The following TAFA1 variants were observed in gnomAD, a reference collection of about 807,000 sequenced individuals.
The protein encoded by TAFA1 is TAFA chemokine like family member 1, also known as chemokine-like protein TAFA-1.
Under a neutral mutation model 18.5 loss-of-function variants are expected in TAFA1, and 4 were observed. The ratio of observed to expected loss-of-function variants is 0.22; its 90% CI spans 0.11 to 0.49. The LOEUF (loss-of-function observed/expected upper bound fraction) is 0.49. TAFA1 is among the 20% of genes least tolerant of loss of function. The pLI is 0.98. For synonymous variants in TAFA1, 56 were observed against 55.2 expected (o/e 1.01, Z -0.06); for missense variants, 147 against 169.0 (o/e 0.87, Z 0.72).
intron 2 of TAFA1, among the ~76,000 whole-genome samples, chr3:68,131,153 A>G (rs78765537): frequency 0.026 from 3,980 of 152,278 alleles, 171 homozygotes; most frequent in African/African-American, 0.09. Flanking sequence ...CCTGCACCAT[A>G]TATAACTAGT....
At chr3:68,480,973 T>C (rs1343500579) in intron 3 of TAFA1, among the ~76,000 whole-genome samples, 2 of 152,162 alleles carry the variant, frequency 1.3e-5, no homozygotes, top group African/African-American at 4.8e-5. Flanking sequence ...TCGTTCTCTC[T>C]TCCCTGCCGT....
rs368892216 is a variant in TAFA1, at chr3:68,136,711, AT to A, written c.118+129976del. ...ACAGACACCAGGGAAAGCGCAGAGG[AT>A]TTTTTTTTCCTTTTGCTTAATTTGC... On this transcript the variant is annotated intron_variant, in intron 2 of 4. Transcript: ENST00000478136. 8.6e-5 allele frequency among the ~76,000 whole-genome samples: 13 copies of A among 151,778 alleles called. No individual in the cohort carries two copies. The East Asian group carries it at 1.4e-3, about 16-fold the overall frequency.
chr3:68,045,378 G>T (rs754004186), intron 2 of TAFA1, among the ~76,000 whole-genome samples: 8 of 152,172 alleles, frequency 5.3e-5, no homozygotes, highest in Admixed American at 1.3e-4. Context: ...AACTACAAAG[G>T]TATCTGGCAA....
intron 3 of TAFA1, among the ~76,000 whole-genome samples, chr3:68,452,230 T>C (rs796349634): frequency 6.6e-5 from 10 of 152,222 alleles, no homozygotes; most frequent in African/African-American, 2.2e-4. Flanking sequence ...GTACTTTTAT[T>C]AGAACATGTC....
intron 2 of TAFA1, among the ~76,000 whole-genome samples, chr3:68,314,233 G>A (rs1221887805): frequency 6.6e-6 from 1 of 152,158 alleles, no homozygotes; most frequent in Non-Finnish European, 1.5e-5. Context: ...GTTGACCTGT[G>A]AATGCATAGG....
At chr3:68,370,495 T>C (rs1282370850) in intron 2 of TAFA1, among the ~76,000 whole-genome samples, 2 of 102,374 alleles carry the variant, frequency 2.0e-5, no homozygotes, top group Non-Finnish European at 3.9e-5. Flanking sequence ...TATATATATA[T>C]ATATATATAT....
chr3:68,267,147 A>C (rs993890806), intron 2 of TAFA1, among the ~76,000 whole-genome samples: 1 of 152,218 alleles, frequency 6.6e-6, no homozygotes, highest in African/African-American at 2.4e-5. Flanking sequence ...GGTCTATAGG[A>C]ACACACAGAT....
At chr3:68,371,541 G>C in intron 2 of TAFA1, among the ~76,000 whole-genome samples, 1 of 152,092 alleles carries the variant, frequency 6.6e-6, no homozygotes, top group Non-Finnish European at 1.5e-5. Context: ...CCATGTCTCT[G>C]CAAAGGACAT....
upstream of TAFA1, among the ~76,000 whole-genome samples, chr3:68,001,115 T>C (rs995091176): frequency 2.6e-5 from 4 of 152,198 alleles, no homozygotes; most frequent in Non-Finnish European, 5.9e-5. Context: ...TATAAAAATA[T>C]ACATGTATTG....
chr3:68,383,748 G>T lies in TAFA1; in HGVS notation c.119-33532G>T, dbSNP rs753890830. ...TCAATTTTTGAAATAGTTTCATCAG[G>T]AATGGTATCAGCTCTTCTTTTTATA... On this transcript the variant is annotated intron_variant, in intron 2 of 4. Transcript: ENST00000478136. Among the ~76,000 whole-genome samples, 5 of 152,066 alleles carry T rather than the reference G, an allele frequency of 3.3e-5. No individual in the cohort carries two copies. In the South Asian group the frequency reaches 8.3e-4, roughly 25 times the overall value.
At chr3:68,099,912 T>A (rs1417042357) in intron 2 of TAFA1, among the ~76,000 whole-genome samples, 2 of 151,830 alleles carry the variant, frequency 1.3e-5, no homozygotes, top group Non-Finnish European at 2.9e-5. Flanking sequence ...AAAGCAAATA[T>A]CACATATTTT....
chr3:68,131,537 A>G (rs2106882319), intron 2 of TAFA1, among the ~76,000 whole-genome samples: 1 of 152,314 alleles, frequency 6.6e-6, no homozygotes, highest in African/African-American at 2.4e-5. Flanking sequence ...TGTCCTTATT[A>G]GTGCTGCTCC....
intron 2 of TAFA1, among the ~76,000 whole-genome samples, chr3:68,369,173 T>C (rs1333124885): frequency 2.0e-5 from 3 of 150,822 alleles, no homozygotes; most frequent in Non-Finnish European, 2.9e-5. Flanking sequence ...TAGCACACAC[T>C]TATGTTGGTG....
chr3:68,260,558 G>C (rs1468812522), intron 2 of TAFA1, among the ~76,000 whole-genome samples: 3 of 152,030 alleles, frequency 2.0e-5, no homozygotes, highest in African/African-American at 7.2e-5. Context: ...CATGGTACTG[G>C]TACCAAAACA....
At chr3:68,084,897 T>G (rs968583150) in intron 2 of TAFA1, among the ~76,000 whole-genome samples, 11 of 152,282 alleles carry the variant, frequency 7.2e-5, no homozygotes, top group African/African-American at 2.6e-4. Flanking sequence ...ACTCTTTAGT[T>G]CTTTGTACTT....
At chr3:68,388,035 A>G (rs1241320230) in intron 2 of TAFA1, among the ~76,000 whole-genome samples, 1 of 152,208 alleles carries the variant, frequency 6.6e-6, no homozygotes, top group Non-Finnish European at 1.5e-5. Flanking sequence ...TAATTCCATA[A>G]TAGGCATATT....
chr3:68,528,070 C>T (rs2073132751), intron 3 of TAFA1, among the ~76,000 whole-genome samples: 1 of 152,126 alleles, frequency 6.6e-6, no homozygotes, highest in Admixed American at 6.5e-5. Context: ...GTATGCATTT[C>T]AGAATTAGTA....
chr3:68,214,581 G>T (rs1423302135), intron 2 of TAFA1, among the ~76,000 whole-genome samples: 1 of 151,968 alleles, frequency 6.6e-6, no homozygotes, highest in African/African-American at 2.4e-5. Context: ...CTTTCTCACT[G>T]TGTGACTTTG....
At chr3:68,376,954 G>A (rs1413695770) in intron 2 of TAFA1, among the ~76,000 whole-genome samples, 1 of 152,118 alleles carries the variant, frequency 6.6e-6, no homozygotes, top group Non-Finnish European at 1.5e-5. Context: ...TCCTTCACAT[G>A]CTCCTCTCTC....
Sources: gnomAD v4.1 joint callset for allele counts (sites outside exome capture counted in the v4.1 genomes callset) on GRCh38, gnomAD v4.1.1 for gene constraint, MANE v1.5 for transcripts, NCBI Gene and HGNC (gene_info 2026-07-23, HGNC 2026-07-21) for gene names.